CYP19A1: variants seen among roughly 807,000 people sequenced by gnomAD.
CYP19A1 encodes the protein aromatase.
In CYP19A1, 32 loss-of-function variants were observed where a neutral mutation model predicts 44.4. The ratio of observed to expected loss-of-function variants is 0.72; its 90% CI spans 0.54 to 0.97. CYP19A1 has a LOEUF of 0.97. CYP19A1 is among the 50% of genes least tolerant of loss of function. CYP19A1 has a pLI of 0.00. For missense variants in CYP19A1, 598 were observed against 637.8 expected (o/e 0.94, Z 0.67); for synonymous variants, 212 against 215.6 (o/e 0.98, Z 0.14).
At chr15:51,248,308 C>A (rs2034155643) in intron 1 of CYP19A1, among the ~76,000 whole-genome samples, 1 of 152,192 alleles carries the variant, frequency 6.6e-6, no homozygotes, top group Admixed American at 6.5e-5. Flanking sequence ...TACTTAGTAT[C>A]TGAACCAACT....
chr15:51,237,062 A>C (rs546343403), intron 2 of CYP19A1, 53 bp from the exon 3 acceptor site: 1 of 1,606,536 alleles, frequency 6.2e-7, no homozygotes, highest in Admixed American at 1.7e-5. Context: ...AAAAATTGCA[A>C]CTGTTTTGTG....
chr15:51,223,589 T>TCA (rs1324311926), intron 4 of CYP19A1, among the ~76,000 whole-genome samples: 5 of 66,178 alleles, frequency 7.6e-5, no homozygotes, highest in Admixed American at 4.7e-4. Flanking sequence ...TCTCTCTCTC[T>TCA]CTCTCACACA....
intron 1 of CYP19A1, among the ~76,000 whole-genome samples, chr15:51,250,789 G>A (rs2034277171): frequency 7.1e-6 from 1 of 140,532 alleles, no homozygotes; most frequent in Non-Finnish European, 1.5e-5. Context: ...ATTGTTCCAG[G>A]AACAGCAGTC....
At chr15:51,282,096 G>A (rs1300676566) in intron 1 of CYP19A1, among the ~76,000 whole-genome samples, 1 of 151,784 alleles carries the variant, frequency 6.6e-6, no homozygotes, top group Non-Finnish European at 1.5e-5. Context: ...TCTGGAATGA[G>A]AAGAACTGAG....
intron 1 of CYP19A1, among the ~76,000 whole-genome samples, chr15:51,296,507 C>A (rs2035997738): frequency 6.6e-6 from 1 of 152,174 alleles, no homozygotes; most frequent in African/African-American, 2.4e-5. Context: ...AACTGGTGAT[C>A]CCCAGCGCCA....
chr15:51,242,998 T>A, intron 1 of CYP19A1, 48 bp from the exon 2 acceptor site: 1 of 921,936 alleles, frequency 1.1e-6, no homozygotes, highest in Non-Finnish European at 1.8e-6. Flanking sequence ...CCTAAAAGGT[T>A]CATCTATAGC....
intron 1 of CYP19A1, among the ~76,000 whole-genome samples, chr15:51,295,937 A>G (rs1199242430): frequency 6.6e-6 from 1 of 152,182 alleles, no homozygotes. Flanking sequence ...TTCTGGGAGC[A>G]CATGAACGTT....
intron 1 of CYP19A1, among the ~76,000 whole-genome samples, chr15:51,331,954 CAT>C (rs1193949110): frequency 6.6e-6 from 1 of 151,772 alleles, no homozygotes. Flanking sequence ...CACACACACA[CAT>C]ACATATATAT....
At chr15:51,316,807 G>C (rs2036434880) in intron 1 of CYP19A1, among the ~76,000 whole-genome samples, 1 of 152,150 alleles carries the variant, frequency 6.6e-6, no homozygotes, top group African/African-American at 2.4e-5. Flanking sequence ...CTTGCAGCTG[G>C]ATATGACCAT....
At chr15:51,314,754 T>G (rs1444345872) in intron 1 of CYP19A1, among the ~76,000 whole-genome samples, 2 of 152,224 alleles carry the variant, frequency 1.3e-5, no homozygotes, top group African/African-American at 4.8e-5. Context: ...CAATTTTTCC[T>G]TGCTCAAAAC....
At chr15:51,272,426 A>G (rs1175024757) in intron 1 of CYP19A1, among the ~76,000 whole-genome samples, 2 of 152,202 alleles carry the variant, frequency 1.3e-5, no homozygotes, top group Admixed American at 6.5e-5. Context: ...GTGCAATAAA[A>G]TATACATTTT....
At chr15:51,281,661 G>A (rs1310335958) in intron 1 of CYP19A1, among the ~76,000 whole-genome samples, 1 of 152,146 alleles carries the variant, frequency 6.6e-6, no homozygotes, top group Non-Finnish European at 1.5e-5. Context: ...CAGCTGCTTG[G>A]CTGGCCAGAG....
Position 51,210,123 on chromosome 15 carries a change from A to T in CYP19A1, c.*685T>A. 8.9e-6 allele frequency: 3 copies of T among 337,626 alleles called. No homozygotes were observed. The highest frequency in any genetic ancestry group is 1.1e-3 in the Middle Eastern group (1 of 944). 20.9% of individuals were successfully genotyped at this position (337,626 alleles called of 1,614,324 possible). A position where few individuals can be genotyped will look rare whatever the true frequency, so the allele number is the denominator to read the frequency against. ...TATAGTTTGTATTACCTGAATCTAC[A>T]GGTAACACAATGAATTGTAGCACAG... is the stretch of plus-strand genomic sequence containing the variant. On this transcript the variant is annotated 3_prime_UTR_variant, in exon 10 of 10. Coordinates refer to ENST00000396402, the MANE Select transcript of CYP19A1 (RefSeq NM_000103.4).
intron 1 of CYP19A1, among the ~76,000 whole-genome samples, chr15:51,247,450 C>T (rs926654076): frequency 6.8e-6 from 1 of 147,440 alleles, no homozygotes; most frequent in South Asian, 2.3e-4. Flanking sequence ...CCTGTCCTTA[C>T]TTTTTTATTT....
rs542623166 is a variant in CYP19A1, at chr15:51,328,302, T to C, written c.-39+10193A>G. On this transcript the variant is annotated intron_variant, in intron 1 of 9. Transcript: ENST00000396402. The stretch of plus-strand genomic sequence containing the variant: ...CTAGATCCACCTATGTATAAACAAG[T>C]TTTCATGGACATAAACATTGAGCAG... Among the ~76,000 whole-genome samples, 7 of 152,256 alleles carry C rather than the reference T, an allele frequency of 4.6e-5. No homozygotes were observed. The South Asian group carries it at 1.2e-3, about 27-fold the overall frequency.
At chr15:51,265,213 C>G (rs111836628) in intron 1 of CYP19A1, among the ~76,000 whole-genome samples, 40 of 152,308 alleles carry the variant, frequency 2.6e-4, no homozygotes, top group African/African-American at 9.1e-4. Flanking sequence ...ATTCTGGATC[C>G]CACCTCCCCT....
chr15:51,265,796 A>G (rs2034895402), intron 1 of CYP19A1, among the ~76,000 whole-genome samples: 1 of 152,186 alleles, frequency 6.6e-6, no homozygotes, highest in Admixed American at 6.5e-5. Context: ...CTCTTTCCAC[A>G]GGGCAGGGGC....
At chr15:51,314,624 A>C in intron 1 of CYP19A1, among the ~76,000 whole-genome samples, 1 of 152,202 alleles carries the variant, frequency 6.6e-6, no homozygotes, top group East Asian at 1.9e-4. Flanking sequence ...TAGAACTCTA[A>C]CTTGCATCAT....
At chr15:51,314,120 A>T (rs909360278) in intron 1 of CYP19A1, 12 of 151,670 alleles carry the variant, frequency 7.9e-5, no homozygotes, top group African/African-American at 2.9e-4. Flanking sequence ...GCCAGGAGGG[A>T]GCAGAGGGAA....
Sources: gnomAD v4.1 joint callset for allele counts (sites outside exome capture counted in the v4.1 genomes callset) on GRCh38, gnomAD v4.1.1 for gene constraint, MANE v1.5 for transcripts, NCBI Gene and HGNC (gene_info 2026-07-23, HGNC 2026-07-21) for gene names.